MAGI1: variants seen among roughly 807,000 people sequenced by gnomAD.
MAGI1 encodes membrane associated guanylate kinase, WW and PDZ domain containing 1.
MAGI1 carries 58 observed loss-of-function variants against 139.9 expected under a neutral mutation model. The observed-to-expected ratio is 0.41, with a 90% confidence interval of 0.34 to 0.52. MAGI1 has a LOEUF of 0.52. Ranked by LOEUF, MAGI1 falls within the 20% of genes least tolerant of loss-of-function variation. The pLI is 0.12. For synonymous variants in MAGI1, 812 were observed against 737.9 expected (o/e 1.10, Z -1.63); for missense variants, 1,874 against 1,901.6 (o/e 0.99, Z 0.27).
intron 13 of MAGI1, among the ~76,000 whole-genome samples, chr3:65,395,941 C>A (rs549584192): frequency 1.1e-4 from 17 of 151,994 alleles, no homozygotes; most frequent in Non-Finnish European, 1.9e-4. Context: ...TCAGGAAGCC[C>A]CAGGTGCAGT....
chr3:65,985,770 GA>G (rs2065848877), intron 1 of MAGI1, among the ~76,000 whole-genome samples: 1 of 152,194 alleles, frequency 6.6e-6, no homozygotes, highest in Non-Finnish European at 1.5e-5. Context: ...AGTCAGTTGG[GA>G]TAGACCCAGT....
intron 6 of MAGI1, among the ~76,000 whole-genome samples, chr3:65,448,843 C>A (rs7651361): frequency 1 from 151,598 of 152,166 alleles, 75,516 homozygotes; most frequent in Middle Eastern, 1. Context: ...GCTGTCAGTA[C>A]AACATTTTCT....
At chr3:65,387,046 T>C in intron 14 of MAGI1, 1 of 1,081,274 alleles carries the variant, frequency 9.2e-7, no homozygotes, top group Non-Finnish European at 1.4e-6. Flanking sequence ...TTTTCTTCCC[T>C]CTCTTTTCTG....
At chr3:65,803,956 C>G (rs974436) in intron 1 of MAGI1, among the ~76,000 whole-genome samples, 30,243 of 152,164 alleles carry the variant, frequency 0.2, 3,279 homozygotes, top group East Asian at 0.42. Flanking sequence ...AAAATTGTAA[C>G]CAAGATTCAG....
At chr3:65,726,274 T>G (rs1367721353) in intron 1 of MAGI1, among the ~76,000 whole-genome samples, 1 of 152,184 alleles carries the variant, frequency 6.6e-6, no homozygotes, top group Non-Finnish European at 1.5e-5. Context: ...GCTTAATATT[T>G]CACAATGAGA....
rs184042708 is a variant in MAGI1, at chr3:66,010,794, C to T, written c.313+27202G>A. On this transcript the variant is annotated intron_variant, in intron 1 of 22. Coordinates refer to ENST00000402939, the MANE Select transcript of MAGI1 (RefSeq NM_001033057.2). ...CAAATTTTCTGCACACCACTCACTA[C>T]CAACTTGGTGTTTACAAAGCACCTT... Among the ~76,000 whole-genome samples the T allele has an allele frequency of 3.2e-4, 49 of 152,314 alleles. 1 individual carries two copies. Among genetic ancestry groups the T allele is most frequent in the Admixed American group, 2.6e-3 (40 of 15,294 alleles).
At chr3:65,549,271 C>T (rs1348628787) in intron 2 of MAGI1, 4 of 301,776 alleles carry the variant, frequency 1.3e-5, no homozygotes, top group African/African-American at 9.1e-5. Context: ...ACTTCCTCGC[C>T]TTCTCCTTCC....
intron 1 of MAGI1, among the ~76,000 whole-genome samples, chr3:65,859,556 C>T (rs966003254): frequency 6.6e-6 from 1 of 151,910 alleles, no homozygotes; most frequent in South Asian, 2.1e-4. Flanking sequence ...CAGTGAAACC[C>T]CGCCTCTATT....
In MAGI1 at chr3:65,724,061, T is replaced by C. The variant is rs1379326161; in HGVS notation, c.314-101973A>G. ...AGCAAAGCATTGACAATGATATGCCTGAACAGACAGGTTTAATTAGCCCAA... is the reference window on the plus strand; with the variant it reads ...AGCAAAGCATTGACAATGATATGCCCGAACAGACAGGTTTAATTAGCCCAA... On this transcript the variant is annotated intron_variant, in intron 1 of 22. Coordinates refer to ENST00000402939, the MANE Select transcript of MAGI1 (RefSeq NM_001033057.2). Among the ~76,000 whole-genome samples, 7 of 152,244 alleles carry C rather than the reference T, an allele frequency of 4.6e-5. No individual in the cohort carries two copies. In the South Asian group the frequency reaches 1.2e-3, roughly 27 times the overall value.
intron 1 of MAGI1, among the ~76,000 whole-genome samples, chr3:65,864,363 ACAGGC>A (rs1467336618): frequency 2.6e-5 from 4 of 152,204 alleles, no homozygotes; most frequent in Non-Finnish European, 5.9e-5. Flanking sequence ...TCTCCCTGGT[ACAGGC>A]CAGGGTTAAT....
At chr3:65,995,618 G>T (rs553390278) in intron 1 of MAGI1, among the ~76,000 whole-genome samples, 2 of 151,924 alleles carry the variant, frequency 1.3e-5, no homozygotes, top group Admixed American at 6.6e-5. Flanking sequence ...TCAAACTATT[G>T]TCAGGGAAGG....
chr3:65,835,396 A>C (rs532806331), intron 1 of MAGI1, among the ~76,000 whole-genome samples: 1 of 152,338 alleles, frequency 6.6e-6, no homozygotes, highest in East Asian at 1.9e-4. Context: ...AAATAGTGTT[A>C]AAGGGGCCAC....
chr3:65,430,966 T>C, intron 10 of MAGI1, 85 bp from the exon 11 acceptor site: 3 of 1,280,836 alleles, frequency 2.3e-6, no homozygotes, highest in Non-Finnish European at 2.2e-6. Context: ...ATATAGATAA[T>C]TCTTCACGCT....
chr3:65,647,377 T>G (rs1247262924), intron 1 of MAGI1, among the ~76,000 whole-genome samples: 1 of 152,144 alleles, frequency 6.6e-6, no homozygotes, highest in Non-Finnish European at 1.5e-5. Flanking sequence ...ATTTCCCAAT[T>G]TATTTTATGA....
At chr3:65,652,231 T>G (rs774853488) in intron 1 of MAGI1, among the ~76,000 whole-genome samples, 2 of 152,216 alleles carry the variant, frequency 1.3e-5, no homozygotes, top group Non-Finnish European at 2.9e-5. Flanking sequence ...TTGTTTTCAC[T>G]TCTAGATATG....
intron 1 of MAGI1, among the ~76,000 whole-genome samples, chr3:65,639,277 T>C (rs1396085464): frequency 6.6e-6 from 1 of 152,250 alleles, no homozygotes; most frequent in Non-Finnish European, 1.5e-5. Context: ...CAATTCATTT[T>C]CTTAATGATG....
chr3:65,981,577 G>C (rs1480887253), intron 1 of MAGI1, among the ~76,000 whole-genome samples: 1 of 152,132 alleles, frequency 6.6e-6, no homozygotes, highest in Non-Finnish European at 1.5e-5. Flanking sequence ...ACTTCATATG[G>C]TTTGGCTGTG....
chr3:65,736,872 A>G (rs748585289), intron 1 of MAGI1, among the ~76,000 whole-genome samples: 1 of 152,224 alleles, frequency 6.6e-6, no homozygotes, highest in Non-Finnish European at 1.5e-5. Flanking sequence ...CTCTTAACCC[A>G]GTCAAGATGA....
At chr3:65,739,045 A>C (rs766087068) in intron 1 of MAGI1, among the ~76,000 whole-genome samples, 7 of 152,216 alleles carry the variant, frequency 4.6e-5, no homozygotes, top group Non-Finnish European at 8.8e-5. Flanking sequence ...TCTAGCTAGG[A>C]AAGTCCTGGA....
Sources: allele counts gnomAD v4.1 joint callset (sites outside exome capture counted in the v4.1 genomes callset), GRCh38; gene constraint gnomAD v4.1.1; transcripts MANE v1.5; gene names NCBI Gene and HGNC (gene_info 2026-07-23, HGNC 2026-07-21).